Variants in NACC2 observed in about 807,000 individuals in gnomAD.
The protein encoded by NACC2 is nucleus accumbens-associated protein 2.
In NACC2, 8 loss-of-function variants were observed where a neutral mutation model predicts 25.1. The observed-to-expected ratio is 0.32, with a 90% CI of 0.19 to 0.57. NACC2 has a LOEUF of 0.57. Among genes scored for constraint, NACC2 ranks in the 20% least tolerant of loss-of-function variants. NACC2 has a pLI of 0.89. For synonymous variants in NACC2, 435 were observed against 294.7 expected, an observed-to-expected ratio of 1.48 and a Z score of -4.88; for missense variants, 644 against 650.2, an observed-to-expected ratio of 0.99 and a Z score of 0.10.
At chr9:136,021,011 G>A (rs988058994) in intron 2 of NACC2, among the ~76,000 whole-genome samples, 18 of 152,110 alleles carry the variant, frequency 1.2e-4, no homozygotes, top group African/African-American at 4.3e-4. Context: ...CCCAAAGCAC[G>A]ATCCACAATG....
intron 2 of NACC2, among the ~76,000 whole-genome samples, chr9:136,035,998 ACTG>A (rs1840546662): frequency 6.6e-6 from 1 of 152,214 alleles, no homozygotes. Flanking sequence ...GGATATAAAA[ACTG>A]CTATTGTACA....
At chr9:136,030,959 C>A (rs1840464183) in intron 2 of NACC2, among the ~76,000 whole-genome samples, 1 of 152,110 alleles carries the variant, frequency 6.6e-6, no homozygotes, top group African/African-American at 2.4e-5. Flanking sequence ...CCGTGCCCGG[C>A]CAATACATCT....
At position 136,006,788 on chromosome 9, in the gene NACC2, G is replaced by A. The variant is rs1385739181; in HGVS notation, c.*4728C>T. ...GCACAAAAACAGAGTGAGGGCTCAGGAAAACAAAACAAAGGCTTCCTCCTT... is the reference window on the plus strand; with the variant it reads ...GCACAAAAACAGAGTGAGGGCTCAGAAAAACAAAACAAAGGCTTCCTCCTT... On this transcript the variant is annotated 3_prime_UTR_variant, in exon 6 of 6. Transcript: ENST00000277554. 1 of 149,808 alleles carries A rather than the reference G, an allele frequency of 6.7e-6. No individual in the cohort carries two copies. The highest frequency in any genetic ancestry group is 1.5e-5 in the Non-Finnish European group (1 of 67,570). 9.3% of individuals were successfully genotyped at this position (149,808 alleles called of 1,614,324 possible). A position where few individuals can be genotyped will look rare whatever the true frequency, so the allele number is the denominator to read the frequency against.
intron 1 of NACC2, among the ~76,000 whole-genome samples, chr9:136,062,127 C>T: frequency 7.8e-6 from 1 of 127,782 alleles, no homozygotes; most frequent in African/African-American, 2.7e-5. Context: ...CAGGACAGGA[C>T]AGGACAGGAC....
intron 2 of NACC2, among the ~76,000 whole-genome samples, chr9:136,027,358 C>T (rs1367495624): frequency 1.3e-5 from 2 of 152,224 alleles, no homozygotes; most frequent in Non-Finnish European, 2.9e-5. Context: ...TGAGGTGGCT[C>T]TGCTGTGGCC....
chr9:136,091,992 T>G (rs1830438147), intron 1 of NACC2, among the ~76,000 whole-genome samples: 1 of 151,850 alleles, frequency 6.6e-6, no homozygotes, highest in Non-Finnish European at 1.5e-5. Flanking sequence ...TCCAGTCACA[T>G]CTCCTCTGTG....
intron 2 of NACC2, among the ~76,000 whole-genome samples, chr9:136,042,096 C>G (rs1840642189): frequency 6.6e-6 from 1 of 152,118 alleles, no homozygotes; most frequent in African/African-American, 2.4e-5. Flanking sequence ...TCAAGGGATT[C>G]TCTCGCCTCA....
Position 136,020,844 on chromosome 9 carries a change from G to A in NACC2, c.887-4415C>T, listed in dbSNP as rs148374200. ...CAAAGGTGCACCAGCCTTTGTCAAC[G>A]GAGGAGGCAGCAGCCTTCACAAATG... On this transcript the variant is annotated intron_variant, in intron 2 of 5. Coordinates refer to ENST00000277554, the MANE Select transcript of NACC2 (RefSeq NM_144653.5). This position sits in a 1 kb window ranked among gnomAD's most constrained non-coding sequence, Gnocchi z 4.7. Among the ~76,000 whole-genome samples, 558 of 152,230 alleles carry A rather than the reference G, an allele frequency of 3.7e-3. 5 individuals are homozygous for A. The highest frequency in any genetic ancestry group is 0.013 in the African/African-American group (520 of 41,528).
intron 5 of NACC2, 33 bp from the exon 6 acceptor site, chr9:136,012,057 CTG>C: frequency 6.8e-7 from 1 of 1,479,560 alleles, no homozygotes; most frequent in South Asian, 1.4e-5. Context: ...GCTCAGCCAC[CTG>C]CCTGCCGGGA....
chr9:136,024,221 A>T (rs1436244531), intron 2 of NACC2, among the ~76,000 whole-genome samples: 1 of 18,666 alleles, frequency 5.4e-5, no homozygotes, highest in African/African-American at 2.0e-4. Context: ...TGTGTGTGTG[A>T]GGACAGAGGG....
chr9:136,012,665 T>C (rs1283634827), intron 5 of NACC2, among the ~76,000 whole-genome samples: 3 of 151,344 alleles, frequency 2.0e-5, no homozygotes, highest in African/African-American at 7.3e-5. Context: ...TTTTTTTTTT[T>C]TTTTTTTTCT....
chr9:136,060,555 C>A (rs955805998), intron 1 of NACC2, among the ~76,000 whole-genome samples: 4 of 152,234 alleles, frequency 2.6e-5, no homozygotes, highest in African/African-American at 9.6e-5. Context: ...GTGGGGGGTG[C>A]CACTCTGCCT....
Position 136,013,208 on chromosome 9 carries a change from C to A in NACC2, c.1246G>T (p.Ala416Ser). The A allele has an allele frequency of 1.9e-6, 3 of 1,599,854 alleles. No individual in the cohort carries two copies. The highest frequency in any genetic ancestry group is 1.7e-6 in the Non-Finnish European group (2 of 1,172,248). The stretch of plus-strand genomic sequence containing the variant: ...ACCCCCAGGCTCTTACATTTCACAG[C>A]GTTCAGGACCCGGCTGTCCAGCGGC... ...RKPLDSRVLN[A>S]VKLYCQNFAP... Residue 416 changes from alanine to serine, a missense_variant, in exon 5 of 6, where the codon GCT (alanine) becomes TCT (serine). Coordinates refer to ENST00000277554, the MANE Select transcript of NACC2 (RefSeq NM_144653.5). The surrounding 1 kb of genome is among the most constrained non-coding windows in gnomAD (Gnocchi z 6.6).
chr9:136,030,047 G>T (rs142723650), intron 2 of NACC2, among the ~76,000 whole-genome samples: 1,652 of 152,234 alleles, frequency 0.011, 21 homozygotes, highest in Middle Eastern at 0.075. Context: ...CTTAATTTTC[G>T]TAATTTTAGT....
chr9:136,086,227 C>T lies in NACC2; in HGVS notation c.-60+8962G>A, dbSNP rs1187112944. The stretch of plus-strand genomic sequence containing the variant: ...GCCTTCAGAGCAGCAAAGCGCAGTG[C>T]CTGCCTTCCTGTGAGAGAACCCTCA... On this transcript the variant is annotated intron_variant, in intron 1 of 5. Transcript: ENST00000277554. The surrounding 1 kb of genome is among the most constrained non-coding windows in gnomAD (Gnocchi z 5.6). Among the ~76,000 whole-genome samples, 1 of 152,250 alleles carries T rather than the reference C, an allele frequency of 6.6e-6. No individual in the cohort carries two copies. The highest frequency in any genetic ancestry group is 1.9e-4 in the East Asian group (1 of 5,196).
chr9:136,043,719 G>A (rs1436481553), intron 2 of NACC2, among the ~76,000 whole-genome samples: 2 of 152,214 alleles, frequency 1.3e-5, no homozygotes, highest in Non-Finnish European at 2.9e-5. Context: ...GAACCCCAGG[G>A]TAACATTCTA....
At chr9:136,060,712 C>G (rs192999372) in intron 1 of NACC2, among the ~76,000 whole-genome samples, 1 of 152,254 alleles carries the variant, frequency 6.6e-6, no homozygotes, top group East Asian at 1.9e-4. Flanking sequence ...AGGTGAAGAG[C>G]GTGAGAAACA....
chr9:136,074,146 T>C lies in NACC2; in HGVS notation c.-60+21043A>G, dbSNP rs143919572. 7.1e-3 allele frequency among the ~76,000 whole-genome samples: 1,081 copies of C among 151,408 alleles called. 47 individuals are homozygous for C. Among genetic ancestry groups the C allele is most frequent in the Admixed American group, 0.063 (959 of 15,186 alleles). Reference sequence around the variant, plus strand: ...TAAGATTATAGTCTCCACAAATAATTTGTTAAAAAATTAGCCAGGCATGGC... The same window carrying C: ...TAAGATTATAGTCTCCACAAATAATCTGTTAAAAAATTAGCCAGGCATGGC... On this transcript the variant is annotated intron_variant, in intron 1 of 5. Transcript: ENST00000277554.
chr9:136,054,986 C>T (rs1840902420), intron 1 of NACC2, among the ~76,000 whole-genome samples: 1 of 152,148 alleles, frequency 6.6e-6, no homozygotes, highest in Non-Finnish European at 1.5e-5. Flanking sequence ...CACACAGACA[C>T]ACAGAGGAGG....
Sources: allele counts gnomAD v4.1 joint callset (sites outside exome capture counted in the v4.1 genomes callset), GRCh38; gene constraint gnomAD v4.1.1; non-coding constraint Gnocchi (gnomAD v3.1); transcripts MANE v1.5; gene names NCBI Gene and HGNC (gene_info 2026-07-23, HGNC 2026-07-21).